COL9A2: variants seen among roughly 807,000 people sequenced by gnomAD.
COL9A2 encodes the protein collagen type IX alpha 2 chain.
COL9A2 carries 66 observed loss-of-function variants against 111.6 expected under a neutral mutation model. The ratio of observed to expected loss-of-function variants is 0.59; its 90% CI spans 0.48 to 0.73. The LOEUF (loss-of-function observed/expected upper bound fraction) is 0.73. Ranked by LOEUF, COL9A2 falls within the 30% of genes least tolerant of loss-of-function variation. COL9A2 has a pLI of 0.00. For synonymous variants in COL9A2, 353 were observed against 364.1 expected, an observed-to-expected ratio of 0.97 and a Z score of 0.35; for missense variants, 881 against 954.1, an observed-to-expected ratio of 0.92 and a Z score of 1.01.
chr1:40,307,492 G>T lies in COL9A2; in HGVS notation c.962C>A (p.Ala321Glu). The T allele has an allele frequency of 6.2e-7, 1 of 1,614,186 alleles. No homozygotes were observed. Among genetic ancestry groups the T allele is most frequent in the African/African-American group, 1.3e-5 (1 of 75,062 alleles). ...TPGTPGMKGS[A>E]GQAGQPGSPG... The stretch of plus-strand genomic sequence containing the variant: ...ACTTCCGGGCTGTCCCGCCTGTCCT[G>T]CACTGCCCTGGGATAGACAGATAAC... Residue 321 changes from alanine (A) to glutamate (E), a missense_variant, in exon 19 of 32, where the codon GCA (alanine) becomes GAA (glutamate). Transcript: ENST00000372748. The surrounding 1 kb of genome is among the most constrained non-coding windows in gnomAD (Gnocchi z 4.8).
In COL9A2 at chr1:40,310,993, A is replaced by G. The variant is rs1248676137; in HGVS notation, c.630+100T>C. 6.7e-7 allele frequency: 1 copy of G among 1,496,266 alleles called. No homozygotes were observed. The highest frequency in any genetic ancestry group is 9.3e-7 in the Non-Finnish European group (1 of 1,073,714). The allele number at this position is 1,496,266 out of a possible 1,614,324, so 92.7% of individuals were successfully genotyped here. A position where few individuals can be genotyped will look rare whatever the true frequency, so the allele number is the denominator to read the frequency against. On this transcript the variant is annotated intron_variant, in intron 12 of 31. Coordinates refer to ENST00000372748, the MANE Select transcript of COL9A2 (RefSeq NM_001852.4). This position sits in a 1 kb window ranked among gnomAD's most constrained non-coding sequence, Gnocchi z 4.9. ...GCCCCCGGCTCAAGGCTCTGTCCCCAGAACCCACAGGGGAAGGGGAAGGGA... is the reference window on the plus strand; with the variant it reads ...GCCCCCGGCTCAAGGCTCTGTCCCCGGAACCCACAGGGGAAGGGGAAGGGA...
At chr1:40,308,291 C>A in intron 16 of COL9A2, 46 bp from the exon 17 acceptor site, 1 of 1,587,020 alleles carries the variant, frequency 6.3e-7, no homozygotes, top group East Asian at 2.3e-5. Context: ...TGTTGGGCCC[C>A]TGTCTGGCTG....
intron 21 of COL9A2, 117 bp downstream of exon 21, chr1:40,305,598 C>A: frequency 1.0e-6 from 1 of 966,630 alleles, no homozygotes; most frequent in African/African-American, 1.6e-5. Flanking sequence ...AAGAGCTTCC[C>A]TGAATCATTG....
chr1:40,315,513 A>ACCC, intron 2 of COL9A2, 77 bp downstream of exon 2: 1 of 1,310,264 alleles, frequency 7.6e-7, no homozygotes, highest in Non-Finnish European at 1.0e-6. Context: ...CGAAGTCCCC[A>ACCC]CCCCCACCAC....
At chr1:40,305,660 C>T (rs988168588) in intron 21 of COL9A2, 55 bp downstream of exon 21, 4 of 1,542,110 alleles carry the variant, frequency 2.6e-6, no homozygotes, top group Non-Finnish European at 2.7e-6. Flanking sequence ...TAGGGCTCCA[C>T]CCCATGGCCT....
At chr1:40,306,290 G>GGGAA in intron 19 of COL9A2, 103 bp from the exon 20 acceptor site, 2 of 1,325,380 alleles carry the variant, frequency 1.5e-6, no homozygotes, top group Non-Finnish European at 2.2e-6. Flanking sequence ...CCACCTGTGG[G>GGGAA]AGCTGAACAA....
rs747499674 is a variant in COL9A2 at position 40,310,156 on chromosome 1, A to C, written c.747T>G (p.His249Gln). ...MAGPKGETGP[H>Q]GYKGMVGAIG... Reference sequence around the variant, plus strand: ...TAGCGCCCACCATGCCTTTATATCCATGAGGGCCCTGGGGAGAGGAAAGGG... The same window carrying C: ...TAGCGCCCACCATGCCTTTATATCCCTGAGGGCCCTGGGGAGAGGAAAGGG... Residue 249 changes from histidine to glutamine, a missense_variant, in exon 15 of 32, where the codon CAT (histidine) becomes CAG (glutamine). Coordinates refer to ENST00000372748, the MANE Select transcript of COL9A2 (RefSeq NM_001852.4). This position sits in a 1 kb window ranked among gnomAD's most constrained non-coding sequence, Gnocchi z 4.9. The C allele has an allele frequency of 9.9e-5, 159 of 1,613,866 alleles. No homozygotes were observed. The highest frequency in any genetic ancestry group is 1.3e-4 in the Non-Finnish European group (152 of 1,179,934).
In COL9A2 at chr1:40,304,383, C is replaced by A. The variant is rs746580819; in HGVS notation, c.1224G>T (p.Lys408Asn). The change falls in exon 24 of 32, where the codon AAG becomes AAT. Residue 408 changes from lysine to asparagine, a missense_variant. Transcript: ENST00000372748. ...QPGPQGRQGP[K>N]GEQGPPGIPG... ...GAATTCCGGGGGGGCCCTGCTCCCC[C>A]TTAGGGCCCTGAGGAGAAAAGAAAC... The A allele has an allele frequency of 6.3e-7, 1 of 1,596,676 alleles. No individual in the cohort carries two copies. The highest frequency in any genetic ancestry group is 2.3e-5 in the East Asian group (1 of 44,426).
intron 31 of COL9A2, 60 bp downstream of exon 31, chr1:40,301,752 A>G: frequency 5.9e-6 from 9 of 1,521,246 alleles, no homozygotes; most frequent in East Asian, 2.3e-5. Context: ...CGCAGTGTCC[A>G]CACGTCATTA....
chr1:40,303,561 A>C lies in COL9A2; in HGVS notation c.1517T>G (p.Val506Gly). The C allele has an allele frequency of 1.2e-6, 2 of 1,611,080 alleles. No individual in the cohort carries two copies. Among genetic ancestry groups the C allele is most frequent in the Admixed American group, 3.3e-5 (2 of 59,858 alleles). ...GCCCTGTCTCCCGGGCTGTCCTGGC[A>C]CGCCTCGGTTCCCGGCCAGTCCTCG... is the stretch of plus-strand genomic sequence containing the variant. ...GPRGLAGNRGVPGQPGRQGVE... is the reference protein window; with the variant it reads ...GPRGLAGNRGGPGQPGRQGVE... The change falls in exon 28 of 32, where the codon GTG becomes GGG. Residue 506 changes from valine (V) to glycine (G), a missense_variant. Coordinates refer to ENST00000372748, the MANE Select transcript of COL9A2 (RefSeq NM_001852.4). The surrounding 1 kb of genome is among the most constrained non-coding windows in gnomAD (Gnocchi z 4.6).
chr1:40,306,219 C>T (rs1480488635), intron 19 of COL9A2, 32 bp from the exon 20 acceptor site: 2 of 1,613,974 alleles, frequency 1.2e-6, no homozygotes, highest in African/African-American at 1.3e-5. Flanking sequence ...AGTTTCTGCC[C>T]TGGCATGAGG....
At position 40,316,262 on chromosome 1, in the gene COL9A2, C is replaced by T. The variant is rs989736987; in HGVS notation, c.76-598G>A. Among the ~76,000 whole-genome samples the T allele has an allele frequency of 2.0e-5, 3 of 152,156 alleles. No homozygotes were observed. The highest frequency in any genetic ancestry group is 2.9e-5 in the Non-Finnish European group (2 of 68,012). ...GGTACTATCTTCCCACTCGGAGCGC[C>T]CCTTCGGCAGCACAGCTGCCCGGTC... is the stretch of plus-strand genomic sequence containing the variant. On this transcript the variant is annotated intron_variant, in intron 1 of 31. Coordinates refer to ENST00000372748, the MANE Select transcript of COL9A2 (RefSeq NM_001852.4). This position sits in a 1 kb window ranked among gnomAD's most constrained non-coding sequence, Gnocchi z 5.5.
At chr1:40,306,996 C>T (rs6679812) in intron 19 of COL9A2, among the ~76,000 whole-genome samples, 6,624 of 152,034 alleles carry the variant, frequency 0.044, 398 homozygotes, top group African/African-American at 0.14. Context: ...AGGCATGAGC[C>T]GCCACGCCCA....
Position 40,301,955 on chromosome 1 carries a change from A to C in COL9A2, c.1793-66T>G. 5 of 1,468,680 alleles carry C rather than the reference A, an allele frequency of 3.4e-6. No individual in the cohort carries two copies. In the East Asian group the frequency reaches 1.2e-4, roughly 35 times the overall value. The allele number at this position is 1,468,680 out of a possible 1,614,324, so 91.0% of individuals were successfully genotyped here. Reference sequence around the variant, plus strand: ...AAATGCTTTTCCTCTATTTTTTGCTATGTTTCACGCAAAGAAATTATTCCT... The same window carrying C: ...AAATGCTTTTCCTCTATTTTTTGCTCTGTTTCACGCAAAGAAATTATTCCT... On this transcript the variant is annotated intron_variant, in intron 30 of 31. Coordinates refer to ENST00000372748, the MANE Select transcript of COL9A2 (RefSeq NM_001852.4).
rs1259860134 is a variant in COL9A2 at position 40,314,349 on chromosome 1, C to T, written c.186+3G>A. The stretch of plus-strand genomic sequence containing the variant: ...CAAAGGCCAAAGAGGATAAAGCACT[C>T]ACCGGAGGGCCAGCTTTTCCAGGGG... On this transcript the variant is annotated splice_donor_region_variant and intron_variant, in intron 3 of 31. Coordinates refer to ENST00000372748, the MANE Select transcript of COL9A2 (RefSeq NM_001852.4). The surrounding 1 kb of genome is among the most constrained non-coding windows in gnomAD (Gnocchi z 4.1). 1 of 1,614,066 alleles carries T rather than the reference C, an allele frequency of 6.2e-7. No homozygotes were observed. The highest frequency in any genetic ancestry group is 8.5e-7 in the Non-Finnish European group (1 of 1,180,034).
At chr1:40,301,666 G>A (rs954034778) in intron 31 of COL9A2, 146 bp downstream of exon 31, 91 of 776,286 alleles carry the variant, frequency 1.2e-4, no homozygotes, top group Non-Finnish European at 1.7e-4. Flanking sequence ...CAGAGACTCC[G>A]GGGTGCTCCA....
chr1:40,311,920 A>G lies in COL9A2; in HGVS notation c.417+139T>C. ...AAGACCTAGTGCCGGGTGGGCTCATAGGAGGGGTTTCTGCCCCAGACCTGG... is the reference window on the plus strand; with the variant it reads ...AAGACCTAGTGCCGGGTGGGCTCATGGGAGGGGTTTCTGCCCCAGACCTGG... On this transcript the variant is annotated intron_variant, in intron 8 of 31. Transcript: ENST00000372748. This position sits in a 1 kb window ranked among gnomAD's most constrained non-coding sequence, Gnocchi z 5.1. The G allele has an allele frequency of 9.4e-7, 1 of 1,061,162 alleles. No individual in the cohort carries two copies. Among genetic ancestry groups the G allele is most frequent in the South Asian group, 1.4e-5 (1 of 73,622 alleles). 65.7% of individuals were successfully genotyped at this position (1,061,162 alleles called of 1,614,324 possible).
chr1:40,317,273 A>C lies in COL9A2; in HGVS notation c.-76T>G. 1.3e-6 allele frequency: 1 copy of C among 763,756 alleles called. No individual in the cohort carries two copies. Among genetic ancestry groups the C allele is most frequent in the Non-Finnish European group, 2.0e-6 (1 of 508,890 alleles). The allele number at this position is 763,756 out of a possible 1,614,324, so 47.3% of individuals were successfully genotyped here. ...CGGCAGAGTCTCCCGGCGCTCCTCC[A>C]GCGCTGGCTGTTCGCGGGCAGGGTG... On this transcript the variant is annotated 5_prime_UTR_variant, in exon 1 of 32. Transcript: ENST00000372748. This position sits in a 1 kb window ranked among gnomAD's most constrained non-coding sequence, Gnocchi z 4.3.
In COL9A2 at chr1:40,312,235, C is replaced by A; in HGVS notation, c.364-123G>T. ...TACTTTTTTTTTTTTTTTGCCAACC[C>A]CAGAGAGACTGACAGACTGAGGCTT... On this transcript the variant is annotated intron_variant, in intron 7 of 31. Coordinates refer to ENST00000372748, the MANE Select transcript of COL9A2 (RefSeq NM_001852.4). The surrounding 1 kb of genome is among the most constrained non-coding windows in gnomAD (Gnocchi z 6.0). The A allele has an allele frequency of 9.6e-7, 1 of 1,039,210 alleles. No homozygotes were observed. Among genetic ancestry groups the A allele is most frequent in the Non-Finnish European group, 1.4e-6 (1 of 693,900 alleles). The allele number at this position is 1,039,210 out of a possible 1,614,324, so 64.4% of individuals were successfully genotyped here.
Sources: allele counts gnomAD v4.1 joint callset (sites outside exome capture counted in the v4.1 genomes callset), GRCh38; gene constraint gnomAD v4.1.1; non-coding constraint Gnocchi (gnomAD v3.1); transcripts MANE v1.5; gene names NCBI Gene and HGNC (gene_info 2026-07-23, HGNC 2026-07-21).